Variants in EFR3A observed in about 807,000 individuals in gnomAD.
The protein encoded by EFR3A is protein EFR3 homolog A.
In EFR3A, 76 loss-of-function variants were observed where a neutral mutation model predicts 104.4. The observed-to-expected ratio is 0.73, with a 90% CI of 0.60 to 0.88. The LOEUF is 0.88. Among genes scored for constraint, EFR3A ranks in the 40% least tolerant of loss-of-function variants. EFR3A has a pLI of 0.00. For synonymous variants in EFR3A, 330 were observed against 330.0 expected (o/e 1.00, Z 0.00); for missense variants, 985 against 1,012.5 (o/e 0.97, Z 0.37).
chr8:131,985,075 A>T lies in EFR3A; in HGVS notation c.1869+15A>T. 1 of 1,599,124 alleles carries T rather than the reference A, an allele frequency of 6.3e-7. No individual in the cohort carries two copies. Among genetic ancestry groups the T allele is most frequent in the Non-Finnish European group, 8.5e-7 (1 of 1,171,254 alleles). On this transcript the variant is annotated intron_variant, in intron 16 of 22. Transcript: ENST00000254624. The stretch of plus-strand genomic sequence containing the variant: ...ATGTTAGCAAGGTAATGTATTTAGA[A>T]AAGTCCTTAAACTTGAATTTTGTAC...
At chr8:131,929,715 T>C (rs914827577) in intron 1 of EFR3A, among the ~76,000 whole-genome samples, 4 of 152,092 alleles carry the variant, frequency 2.6e-5, no homozygotes, top group African/African-American at 9.7e-5. Flanking sequence ...TGAGATTGGG[T>C]ATTGTTTTTC....
At chr8:131,916,954 G>C (rs1816771347) in intron 1 of EFR3A, among the ~76,000 whole-genome samples, 1 of 152,188 alleles carries the variant, frequency 6.6e-6, no homozygotes, top group Non-Finnish European at 1.5e-5. Flanking sequence ...CAGCTTCCTA[G>C]CTGGGGGAGG....
intron 7 of EFR3A, among the ~76,000 whole-genome samples, chr8:131,958,588 CT>C (rs34809711): frequency 0.86 from 127,068 of 147,312 alleles, 54,668 homozygotes; most frequent in East Asian, 0.93. Flanking sequence ...GATTTCAGGT[CT>C]TTTTTTTTTT....
chr8:131,947,327 G>A (rs1029681360), intron 4 of EFR3A, among the ~76,000 whole-genome samples: 2 of 151,942 alleles, frequency 1.3e-5, no homozygotes, highest in Non-Finnish European at 2.9e-5. Context: ...TTGGAGAAAT[G>A]TCTATTCAAA....
intron 7 of EFR3A, 48 bp downstream of exon 7, chr8:131,955,953 TTC>T: frequency 6.2e-7 from 1 of 1,602,762 alleles, no homozygotes; most frequent in Non-Finnish European, 8.5e-7. Flanking sequence ...GCTGTATTAA[TTC>T]TGTGTTAACT....
At chr8:131,914,165 A>G (rs1169645875) in intron 1 of EFR3A, among the ~76,000 whole-genome samples, 1 of 152,190 alleles carries the variant, frequency 6.6e-6, no homozygotes, top group Non-Finnish European at 1.5e-5. Context: ...AGGCAAATGT[A>G]TAACACCTAA....
In EFR3A at chr8:131,941,853, G is replaced by C. The variant is rs187486120; in HGVS notation, c.87+1278G>C. 6.6e-3 allele frequency among the ~76,000 whole-genome samples: 1,010 copies of C among 152,136 alleles called. 4 individuals carry two copies. Among genetic ancestry groups the C allele is most frequent in the Middle Eastern group, 0.017 (5 of 294 alleles). ...AAAGAGAAAAGACATGGGAAAGCAA[G>C]ACATATATTTGAAGCCTAGAGCAAG... On this transcript the variant is annotated intron_variant, in intron 2 of 22. Transcript: ENST00000254624.
In EFR3A at chr8:132,011,775, T is replaced by G. The variant is rs1822356666; in HGVS notation, c.*880T>G. ...TTCACCTGTGAAGAGTCTGTACATT[T>G]TGATTTCTATTAAGAGCACATTTAT... On this transcript the variant is annotated 3_prime_UTR_variant, in exon 23 of 23. Transcript: ENST00000254624. 1 of 152,524 alleles carries G rather than the reference T, an allele frequency of 6.6e-6. No homozygotes were observed. Among genetic ancestry groups the G allele is most frequent in the South Asian group, 2.1e-4 (1 of 4,830 alleles). The allele number at this position is 152,524 out of a possible 1,614,324, so 9.4% of individuals were successfully genotyped here.
At chr8:131,911,954 A>T (rs945250805) in intron 1 of EFR3A, among the ~76,000 whole-genome samples, 3 of 152,222 alleles carry the variant, frequency 2.0e-5, no homozygotes, top group Admixed American at 6.5e-5. Flanking sequence ...GCCGAGGGAA[A>T]GTTAGAGTAA....
chr8:131,918,957 A>G (rs1014186500), intron 1 of EFR3A, among the ~76,000 whole-genome samples: 1 of 152,220 alleles, frequency 6.6e-6, no homozygotes, highest in Non-Finnish European at 1.5e-5. Flanking sequence ...GCTAAGAAAG[A>G]TCCTAGTCAT....
At chr8:131,958,266 ATTTAT>A (rs1344563525) in intron 7 of EFR3A, among the ~76,000 whole-genome samples, 1 of 152,134 alleles carries the variant, frequency 6.6e-6, no homozygotes, top group African/African-American at 2.4e-5. Context: ...AGCATTAAAG[ATTTAT>A]TTTATATCTT....
chr8:131,971,292 A>C (rs1447071443), intron 10 of EFR3A, among the ~76,000 whole-genome samples: 1 of 152,202 alleles, frequency 6.6e-6, no homozygotes, highest in Non-Finnish European at 1.5e-5. Flanking sequence ...TAGGTCCATT[A>C]GTCAGGAACA....
At chr8:131,940,475 T>G in intron 1 of EFR3A, 24 bp from the exon 2 acceptor site, 1 of 1,538,378 alleles carries the variant, frequency 6.5e-7, no homozygotes, top group Non-Finnish European at 8.7e-7. Context: ...TATCTGTATT[T>G]CTTGATTTTT....
At chr8:131,993,922 G>A (rs533677148) in intron 18 of EFR3A, among the ~76,000 whole-genome samples, 1 of 152,054 alleles carries the variant, frequency 6.6e-6, no homozygotes. Context: ...TGCACACTGG[G>A]ACCTGTTGGA....
intron 3 of EFR3A, 143 bp downstream of exon 3, chr8:131,945,015 A>C: frequency 1.0e-6 from 1 of 978,520 alleles, no homozygotes; most frequent in Non-Finnish European, 1.4e-6. Context: ...ACAAAGAAAT[A>C]TATAATACTC....
chr8:131,969,941 A>G (rs1819958108), intron 9 of EFR3A, among the ~76,000 whole-genome samples: 1 of 152,218 alleles, frequency 6.6e-6, no homozygotes, highest in South Asian at 2.1e-4. Context: ...AGAAGCAGTG[A>G]TAGAAACACA....
intron 1 of EFR3A, among the ~76,000 whole-genome samples, chr8:131,922,145 G>A (rs1817064037): frequency 6.6e-6 from 1 of 151,976 alleles, no homozygotes; most frequent in Admixed American, 6.6e-5. Flanking sequence ...AATCTCTTCC[G>A]CTGTCTTCAT....
chr8:131,960,888 A>C (rs1819280014), intron 8 of EFR3A, among the ~76,000 whole-genome samples: 1 of 152,190 alleles, frequency 6.6e-6, no homozygotes. Flanking sequence ...GCAGGCAGCA[A>C]CATTTGCTGT....
At chr8:131,924,203 C>A in intron 1 of EFR3A, 1 of 352,518 alleles carries the variant, frequency 2.8e-6, no homozygotes. Flanking sequence ...ATTATTTCTG[C>A]ATACCCCATT....
Sources: allele counts gnomAD v4.1 joint callset (sites outside exome capture counted in the v4.1 genomes callset), GRCh38; gene constraint gnomAD v4.1.1; transcripts MANE v1.5; gene names NCBI Gene and HGNC (gene_info 2026-07-23, HGNC 2026-07-21).